KAZN: variants seen among roughly 807,000 people sequenced by gnomAD.
KAZN encodes kazrin, periplakin interacting protein, also known as kazrin.
KAZN carries 40 observed loss-of-function variants against 87.4 expected under a neutral mutation model. The ratio of observed to expected loss-of-function variants is 0.46; its 90% confidence interval spans 0.36 to 0.60. The LOEUF is 0.60. KAZN is among the 20% of genes least tolerant of loss of function. The pLI is 0.00. For missense variants in KAZN, 898 were observed against 1,073.9 expected (o/e 0.84, Z 2.29); for synonymous variants, 466 against 458.3 (o/e 1.02, Z -0.22).
At chr1:14,497,316 C>T (rs1246431672) in intron 2 of KAZN, among the ~76,000 whole-genome samples, 1 of 100,142 alleles carries the variant, frequency 1.0e-5, no homozygotes, top group East Asian at 3.3e-4. Flanking sequence ...CTTTTCTATG[C>T]TTTACTTAAT....
intron 1 of KAZN, among the ~76,000 whole-genome samples, chr1:14,781,335 A>T (rs546594130): frequency 3.9e-5 from 6 of 152,352 alleles, no homozygotes; most frequent in African/African-American, 1.2e-4. Flanking sequence ...AAAAAAAACA[A>T]AAAACAAAAA....
chr1:14,738,657 GA>G (rs1197149849), intron 1 of KAZN, among the ~76,000 whole-genome samples: 2 of 152,108 alleles, frequency 1.3e-5, no homozygotes, highest in Non-Finnish European at 2.9e-5. Context: ...GTAATGTTTA[GA>G]GCGTTACTGA....
chr1:14,540,259 T>C (rs1672730398), intron 2 of KAZN, among the ~76,000 whole-genome samples: 1 of 152,200 alleles, frequency 6.6e-6, no homozygotes, highest in Non-Finnish European at 1.5e-5. Flanking sequence ...TCAAGCCAAA[T>C]GCCAGAGTGG....
Position 14,537,573 on chromosome 1 carries a change from CT to C in KAZN, c.250-61409del, listed in dbSNP as rs1348115502. The stretch of plus-strand genomic sequence containing the variant: ...ATCCCTGCCACTCATTCTCAGTAGC[CT>C]GAGTGTGGTCATTTGAATTTCCAAG... On this transcript the variant is annotated intron_variant, in intron 2 of 16. Transcript: ENST00000636203. Among the ~76,000 whole-genome samples the C allele has an allele frequency of 1.8e-4, 28 of 152,266 alleles. No homozygotes were observed. In the East Asian group the frequency reaches 5.2e-3, roughly 28 times the overall value.
chr1:14,048,033 G>A (rs534497872), intron 1 of KAZN, among the ~76,000 whole-genome samples: 1 of 152,244 alleles, frequency 6.6e-6, no homozygotes, highest in Admixed American at 6.5e-5. Context: ...GTGGCTAAGG[G>A]TTTAGGTCTG....
chr1:15,107,543 T>G (rs6679224), intron 13 of KAZN, among the ~76,000 whole-genome samples: 51,321 of 152,100 alleles, frequency 0.34, 8,863 homozygotes, highest in South Asian at 0.48. Flanking sequence ...GAACTGTACT[T>G]TCCTCATTTG....
intron 1 of KAZN, among the ~76,000 whole-genome samples, chr1:14,067,468 A>C (rs1485160855): frequency 5.9e-5 from 9 of 152,140 alleles, no homozygotes; most frequent in African/African-American, 1.9e-4. Flanking sequence ...CCTACCCCAG[A>C]TTGTGAAATC....
At chr1:13,946,440 T>C (rs893651510) in intron 1 of KAZN, among the ~76,000 whole-genome samples, 6 of 152,120 alleles carry the variant, frequency 3.9e-5, no homozygotes, top group Non-Finnish European at 8.8e-5. Flanking sequence ...AGTGAGCAAT[T>C]TGAGGATTAA....
At chr1:14,452,319 C>T (rs1352523818) in intron 2 of KAZN, among the ~76,000 whole-genome samples, 1 of 152,194 alleles carries the variant, frequency 6.6e-6, no homozygotes, top group Non-Finnish European at 1.5e-5. Flanking sequence ...TCTGAACTTC[C>T]ATTTTCTTTT....
chr1:14,215,196 C>A (rs1646934479), intron 2 of KAZN, among the ~76,000 whole-genome samples: 1 of 152,132 alleles, frequency 6.6e-6, no homozygotes, highest in South Asian at 2.1e-4. Context: ...TCAGGAAATT[C>A]TTCTAATAAT....
At chr1:15,008,642 G>T (rs920455918) in intron 2 of KAZN, among the ~76,000 whole-genome samples, 1 of 152,214 alleles carries the variant, frequency 6.6e-6, no homozygotes, top group Non-Finnish European at 1.5e-5. Context: ...GTGCCACAGG[G>T]CTTCTAGCCC....
intron 1 of KAZN, among the ~76,000 whole-genome samples, chr1:14,960,237 C>T (rs1663677579): frequency 6.6e-6 from 1 of 152,192 alleles, no homozygotes; most frequent in South Asian, 2.1e-4. Context: ...TTTATGACCA[C>T]CTGGAGTTAC....
At chr1:14,966,180 G>A (rs1310731696) in intron 2 of KAZN, among the ~76,000 whole-genome samples, 11 of 151,786 alleles carry the variant, frequency 7.2e-5, no homozygotes, top group Admixed American at 1.3e-4. Flanking sequence ...GGATTTCACC[G>A]TGTTGCCCAG....
intron 1 of KAZN, among the ~76,000 whole-genome samples, chr1:14,012,586 G>A (rs145542350): frequency 1.4e-4 from 22 of 152,220 alleles, no homozygotes; most frequent in African/African-American, 3.6e-4. Flanking sequence ...AGGGTGACGC[G>A]GGTGGATCAG....
intron 1 of KAZN, among the ~76,000 whole-genome samples, chr1:14,891,744 G>T (rs1386457390): frequency 2.0e-5 from 3 of 152,122 alleles, no homozygotes; most frequent in African/African-American, 7.2e-5. Flanking sequence ...TATTAACGGG[G>T]GTAGTGGGAT....
chr1:14,075,986 G>A (rs543827392), intron 1 of KAZN, among the ~76,000 whole-genome samples: 1 of 152,096 alleles, frequency 6.6e-6, no homozygotes, highest in Admixed American at 6.5e-5. Flanking sequence ...GGATTTATAC[G>A]AAAGGGAAAT....
chr1:14,582,683 C>T (rs1195901175), intron 2 of KAZN, among the ~76,000 whole-genome samples: 1 of 152,186 alleles, frequency 6.6e-6, no homozygotes, highest in Non-Finnish European at 1.5e-5. Flanking sequence ...CTAACCTAGA[C>T]TTGGAAAAGA....
At chr1:14,234,565 TA>T (rs1648218231) in intron 2 of KAZN, among the ~76,000 whole-genome samples, 1 of 151,254 alleles carries the variant, frequency 6.6e-6, no homozygotes, top group South Asian at 2.1e-4. Context: ...ATAATAATAA[TA>T]AAAGCACACA....
chr1:14,000,682 G>A (rs1455136273), intron 1 of KAZN, among the ~76,000 whole-genome samples: 1 of 152,182 alleles, frequency 6.6e-6, no homozygotes, highest in African/African-American at 2.4e-5. Context: ...ATTCAACATA[G>A]TATTGGAAGT....
Sources: gnomAD v4.1 joint callset for allele counts (sites outside exome capture counted in the v4.1 genomes callset) on GRCh38, gnomAD v4.1.1 for gene constraint, MANE v1.5 for transcripts, NCBI Gene and HGNC (gene_info 2026-07-23, HGNC 2026-07-21) for gene names.